Variants in SIPA1L2 observed in about 807,000 individuals in gnomAD.
The protein encoded by SIPA1L2 is signal induced proliferation associated 1 like 2.
SIPA1L2 carries 56 observed loss-of-function variants against 163.9 expected under a neutral mutation model. The observed-to-expected ratio is 0.34, with a 90% CI of 0.28 to 0.43. The LOEUF is 0.43. SIPA1L2 is among the 20% of genes least tolerant of loss of function. The probability of loss-of-function intolerance (pLI) is 1.00; values close to 1 mark genes in which losing one functional copy is unlikely to be tolerated. For missense variants in SIPA1L2, 1,974 were observed against 2,193.5 expected, an observed-to-expected ratio of 0.90 and a Z score of 2.00; for synonymous variants, 877 against 865.7, an observed-to-expected ratio of 1.01 and a Z score of -0.23.
intron 1 of SIPA1L2, among the ~76,000 whole-genome samples, chr1:232,622,463 A>T (rs929082549): frequency 2.0e-5 from 3 of 152,240 alleles, no homozygotes; most frequent in African/African-American, 7.2e-5. Flanking sequence ...CAATTCAGAA[A>T]TCCTTTCTGT....
In SIPA1L2 at chr1:232,399,196, G is replaced by A; in HGVS notation, c.5100C>T (p.Ser1700=). The change falls in exon 23 of 23, where the codon TCC becomes TCT. Residue 1700 remains serine, a synonymous_variant. Transcript: ENST00000674635. ...RQDNMRLQEE[S]QTATAQLRKF... is the part of the protein sequence containing the mutation. ...TCCGCAGCTGAGCTGTCGCGGTCTGGGACTCCTCCTGCAGTCTCATGTTGT... is the reference window on the plus strand; with the variant it reads ...TCCGCAGCTGAGCTGTCGCGGTCTGAGACTCCTCCTGCAGTCTCATGTTGT... The A allele has an allele frequency of 1.2e-6, 2 of 1,613,704 alleles. No homozygotes were observed. The highest frequency in any genetic ancestry group is 1.7e-6 in the Non-Finnish European group (2 of 1,179,962).
At chr1:232,604,868 C>T (rs1661809908) in intron 1 of SIPA1L2, among the ~76,000 whole-genome samples, 1 of 152,152 alleles carries the variant, frequency 6.6e-6, no homozygotes, top group Admixed American at 6.5e-5. Context: ...ACTTCATCTT[C>T]CGCCATGATT....
chr1:232,403,419 G>A, intron 21 of SIPA1L2, 29 bp downstream of exon 21: 1 of 1,603,972 alleles, frequency 6.2e-7, no homozygotes, highest in Non-Finnish European at 8.5e-7. Context: ...GGAACAGCAG[G>A]AGGGAGGGGT....
chr1:232,448,905 A>AAG (rs1663378851), intron 10 of SIPA1L2, among the ~76,000 whole-genome samples: 1 of 152,170 alleles, frequency 6.6e-6, no homozygotes, highest in Non-Finnish European at 1.5e-5. Flanking sequence ...GAAAAGATGC[A>AAG]GAGTCAAGGG....
At chr1:232,428,184 C>T (rs1662012807) in intron 17 of SIPA1L2, among the ~76,000 whole-genome samples, 1 of 152,122 alleles carries the variant, frequency 6.6e-6, no homozygotes, top group South Asian at 2.1e-4. Context: ...GGACTTTCAG[C>T]TCTATCTGAG....
intron 2 of SIPA1L2, chr1:232,561,705 C>A (rs918079574): frequency 3.3e-5 from 5 of 152,202 alleles, no homozygotes; most frequent in Admixed American, 2.6e-4. Context: ...GGCAGGCTGT[C>A]CAGAGTGACT....
chr1:232,584,237 T>G (rs1660534226), intron 1 of SIPA1L2, among the ~76,000 whole-genome samples: 1 of 152,204 alleles, frequency 6.6e-6, no homozygotes. Flanking sequence ...TCCAATCTTT[T>G]TTTTTTTAGA....
At position 232,534,429 on chromosome 1, in the gene SIPA1L2, A is replaced by G. The variant is rs118010071; in HGVS notation, c.-269-18821T>C. 2.0e-5 allele frequency among the ~76,000 whole-genome samples: 3 copies of G among 152,374 alleles called. No individual in the cohort carries two copies. The East Asian group carries it at 5.8e-4, about 29-fold the overall frequency. On this transcript the variant is annotated intron_variant, in intron 2 of 22. Transcript: ENST00000674635. ...GCCTAAGCATAATTACTAAAACTATAAAACTCATAGAAGAAAACACTGGAA... is the reference window on the plus strand; with the variant it reads ...GCCTAAGCATAATTACTAAAACTATGAAACTCATAGAAGAAAACACTGGAA...
At chr1:232,542,636 T>A (rs1657753737) in intron 2 of SIPA1L2, among the ~76,000 whole-genome samples, 1 of 152,036 alleles carries the variant, frequency 6.6e-6, no homozygotes, top group Admixed American at 6.6e-5. Flanking sequence ...CTTCCCACTC[T>A]CCAAGACGCC....
intron 22 of SIPA1L2, among the ~76,000 whole-genome samples, chr1:232,400,551 T>C (rs1019238264): frequency 1.4e-4 from 22 of 152,238 alleles, no homozygotes; most frequent in African/African-American, 5.3e-4. Flanking sequence ...CACTACTTCC[T>C]ACAATTCCAG....
chr1:232,506,546 A>G (rs773595872), intron 3 of SIPA1L2, among the ~76,000 whole-genome samples: 12 of 152,236 alleles, frequency 7.9e-5, no homozygotes, highest in Admixed American at 6.5e-5. Context: ...TCCCCAGCCA[A>G]AAAACGGTTA....
chr1:232,627,857 T>C (rs938324344), intron 1 of SIPA1L2, among the ~76,000 whole-genome samples: 11 of 152,222 alleles, frequency 7.2e-5, no homozygotes, highest in African/African-American at 2.7e-4. Flanking sequence ...ATAGGTAGAA[T>C]GTGGGTACTG....
intron 1 of SIPA1L2, among the ~76,000 whole-genome samples, chr1:232,594,602 G>A (rs1479553191): frequency 6.6e-6 from 1 of 152,040 alleles, no homozygotes; most frequent in African/African-American, 2.4e-5. Context: ...GTGCTTAAGG[G>A]AGTCAATTTC....
rs115947448 is a variant in SIPA1L2, at chr1:232,406,874, A to T, written c.4763-2696T>A. 1.8e-3 allele frequency among the ~76,000 whole-genome samples: 279 copies of T among 152,374 alleles called. 1 individual carries two copies. The highest frequency in any genetic ancestry group is 6.6e-3 in the African/African-American group (276 of 41,592). On this transcript the variant is annotated intron_variant, in intron 19 of 22. Transcript: ENST00000674635. ...TTTCCACAAATAAAGCTGTTCTAAT[A>T]TGTCTTTGTTAGAACTGCAAACTAA...
At chr1:232,572,700 T>G (rs1459607473) in intron 2 of SIPA1L2, among the ~76,000 whole-genome samples, 1 of 96,360 alleles carries the variant, frequency 1.0e-5, no homozygotes, top group South Asian at 3.2e-4. Flanking sequence ...CATACATATA[T>G]ATATATATAT....
At chr1:232,585,043 A>G (rs1191845451) in intron 1 of SIPA1L2, among the ~76,000 whole-genome samples, 1 of 152,244 alleles carries the variant, frequency 6.6e-6, no homozygotes, top group African/African-American at 2.4e-5. Context: ...AAACCATTAT[A>G]TATCTCCTCA....
At chr1:232,463,684 AAAG>A (rs1336090995) in intron 9 of SIPA1L2, among the ~76,000 whole-genome samples, 7 of 152,332 alleles carry the variant, frequency 4.6e-5, no homozygotes, top group African/African-American at 1.7e-4. Context: ...GATATGCTAA[AAAG>A]AAGTATTTGC....
In SIPA1L2 at chr1:232,445,695, T is replaced by C; in HGVS notation, c.3187A>G (p.Asn1063Asp). Residue 1063 changes from asparagine to aspartate, a missense_variant, in exon 11 of 23, where the codon AAC becomes GAC. Asn to Asp is a conservative substitution (Grantham distance 23). Around this residue, in one of 3 missense-constraint regions of SIPA1L2, gnomAD observed 1,079 missense variants for 1,150.7 expected, o/e 0.94. Coordinates refer to ENST00000674635, the MANE Select transcript of SIPA1L2 (RefSeq NM_020808.5). ...GTGGGCACCCGGTGCCACGTGGTGT[T>C]CCTCCTGAAGGGGGTTTTATACTCG... Reference protein sequence around the residue: ...PCEYKTPFRRNTTWHRVPTPA... With the variant: ...PCEYKTPFRRDTTWHRVPTPA... 1 of 1,613,628 alleles carries C rather than the reference T, an allele frequency of 6.2e-7. No individual in the cohort carries two copies. Among genetic ancestry groups the C allele is most frequent in the South Asian group, 1.1e-5 (1 of 91,040 alleles).
chr1:232,399,231 G>A lies in SIPA1L2; in HGVS notation c.5065C>T (p.Leu1689=). 6.2e-7 allele frequency: 1 copy of A among 1,613,718 alleles called. No individual in the cohort carries two copies. The highest frequency in any genetic ancestry group is 8.5e-7 in the Non-Finnish European group (1 of 1,179,976). ...TGCAGTCTCATGTTGTCCTGTCTCA[G>A]GTGCTGCACTTCTGCTTGGAGAACG... The part of the protein sequence containing the change: ...KAVLQAEVQH[L]RQDNMRLQEE... Residue 1689 remains leucine, a synonymous_variant, in exon 23 of 23, where the codon CTG becomes TTG. Coordinates refer to ENST00000674635, the MANE Select transcript of SIPA1L2 (RefSeq NM_020808.5).
Sources: allele counts gnomAD v4.1 joint callset (sites outside exome capture counted in the v4.1 genomes callset), GRCh38; gene constraint gnomAD v4.1.1; regional missense constraint gnomAD v4.1.1; transcripts MANE v1.5; gene names NCBI Gene and HGNC (gene_info 2026-07-23, HGNC 2026-07-21).